The following RGS7 variants were observed in gnomAD, a reference collection of about 807,000 sequenced individuals.
RGS7 encodes regulator of G-protein signaling 7.
In RGS7, 27 loss-of-function variants were observed where a neutral mutation model predicts 81.1. The observed-to-expected ratio is 0.33, with a 90% CI of 0.25 to 0.46. The LOEUF is 0.46. Ranked by LOEUF, RGS7 falls within the 20% of genes least tolerant of loss-of-function variation. RGS7 has a pLI of 1.00. For synonymous variants in RGS7, 208 were observed against 207.7 expected (o/e 1.00, Z -0.01); for missense variants, 396 against 607.4 (o/e 0.65, Z 3.66).
chr1:241,001,045 C>A (rs1216789669), intron 3 of RGS7, among the ~76,000 whole-genome samples: 1 of 151,978 alleles, frequency 6.6e-6, no homozygotes, highest in Non-Finnish European at 1.5e-5. Context: ...GATATAGAAC[C>A]CTTACATCAT....
At chr1:241,343,785 C>A (rs2082715710) in intron 2 of RGS7, among the ~76,000 whole-genome samples, 1 of 151,532 alleles carries the variant, frequency 6.6e-6, no homozygotes, top group South Asian at 2.1e-4. Context: ...AATGGTCGCA[C>A]AACAATGTGA....
rs368484205 is a variant in RGS7, at chr1:240,936,715, T to C, written c.227-9A>G. On this transcript the variant is annotated splice_polypyrimidine_tract_variant and intron_variant, in intron 4 of 18. Transcript: ENST00000440928. ...CAAATGGAGCGCCTCCACTGTTTTA[T>C]GAAAACAAACAAAGAACATAAAAAA... 813 of 1,600,372 alleles carry C rather than the reference T, an allele frequency of 5.1e-4. 1 individual carries two copies. The highest frequency in any genetic ancestry group is 6.4e-4 in the Non-Finnish European group (752 of 1,167,602).
intron 3 of RGS7, among the ~76,000 whole-genome samples, chr1:241,026,252 G>A (rs904063171): frequency 1.3e-5 from 2 of 152,126 alleles, no homozygotes; most frequent in Admixed American, 1.3e-4. Context: ...ATAAATGTAA[G>A]GTATTTTCTA....
At chr1:241,316,424 C>A (rs976622092) in intron 2 of RGS7, among the ~76,000 whole-genome samples, 4 of 152,162 alleles carry the variant, frequency 2.6e-5, no homozygotes, top group Admixed American at 1.3e-4. Flanking sequence ...GTGACCAGTC[C>A]CCACATCCTG....
intron 3 of RGS7, among the ~76,000 whole-genome samples, chr1:241,068,852 T>C (rs2062252998): frequency 6.6e-6 from 1 of 152,138 alleles, no homozygotes; most frequent in Non-Finnish European, 1.5e-5. Context: ...GACCGGATCA[T>C]GAGGGTGGAT....
chr1:240,930,767 G>T lies in RGS7; in HGVS notation c.335C>A (p.Thr112Asn), dbSNP rs772399469. The T allele has an allele frequency of 6.2e-7, 1 of 1,613,862 alleles. No individual in the cohort carries two copies. Among genetic ancestry groups the T allele is most frequent in the African/African-American group, 1.3e-5 (1 of 75,026 alleles). The stretch of plus-strand genomic sequence containing the variant: ...ACAATTTGATGGCCAAAAATAGGGG[G>T]TCTGCGGAATGAAAAGAAGTGGAAC... ...KDDGTFYRFQ[T>N]PYFWPSNCWE... The change falls in exon 6 of 19, where the codon ACC (threonine) becomes AAC (asparagine). Residue 112 changes from threonine to asparagine, a missense_variant and splice_region_variant. Physicochemically the swap from Thr to Asn is moderately conservative, Grantham distance 65. Coordinates refer to ENST00000440928, the MANE Select transcript of RGS7 (RefSeq NM_001364886.1).
At chr1:241,232,858 A>C (rs1179815669) in intron 2 of RGS7, among the ~76,000 whole-genome samples, 2 of 152,050 alleles carry the variant, frequency 1.3e-5, no homozygotes, top group African/African-American at 4.8e-5. Flanking sequence ...TACTTCTTGC[A>C]CTTCTTTTCT....
intron 2 of RGS7, among the ~76,000 whole-genome samples, chr1:241,337,230 A>G (rs535223171): frequency 1.3e-5 from 2 of 152,136 alleles, no homozygotes; most frequent in South Asian, 2.1e-4. Context: ...ACCATTCTGT[A>G]CTCCATTGTT....
intron 2 of RGS7, among the ~76,000 whole-genome samples, chr1:241,173,548 A>T (rs2070885262): frequency 6.6e-6 from 1 of 152,040 alleles, no homozygotes; most frequent in Non-Finnish European, 1.5e-5. Flanking sequence ...ATTTTGGGAG[A>T]TCAAGGCAGG....
chr1:241,209,980 A>G (rs537673947), intron 2 of RGS7, among the ~76,000 whole-genome samples: 32 of 152,280 alleles, frequency 2.1e-4, no homozygotes, highest in South Asian at 1.5e-3. Flanking sequence ...AAATGAATCA[A>G]TAATGTAATG....
At chr1:241,269,492 C>A (rs777298779) in intron 2 of RGS7, among the ~76,000 whole-genome samples, 8 of 152,212 alleles carry the variant, frequency 5.3e-5, no homozygotes, top group Non-Finnish European at 1.0e-4. Context: ...AGCAGTAATA[C>A]AATCATCACA....
chr1:241,341,789 T>C (rs1268992740), intron 2 of RGS7, among the ~76,000 whole-genome samples: 2 of 151,544 alleles, frequency 1.3e-5, no homozygotes, highest in Non-Finnish European at 2.9e-5. Flanking sequence ...AGAGGTTTAG[T>C]AACTTGACCA....
chr1:241,257,002 A>G (rs777859798), intron 2 of RGS7, among the ~76,000 whole-genome samples: 1 of 151,472 alleles, frequency 6.6e-6, no homozygotes, highest in Non-Finnish European at 1.5e-5. Context: ...ATATATGTGT[A>G]TATATGTGTG....
chr1:241,342,424 T>C (rs1428114338), intron 2 of RGS7, among the ~76,000 whole-genome samples: 3 of 152,162 alleles, frequency 2.0e-5, no homozygotes, highest in Admixed American at 2.0e-4. Flanking sequence ...TAAGGTCAAA[T>C]GGTGCTACAA....
rs145917651 is a variant in RGS7 at position 241,002,218 on chromosome 1, G to T, written c.176-19089C>A. ...TCCCAGCACTTTGGGAGGCCGAGGC[G>T]GGTGGATCACCTGAGGTCAGGAGTT... On this transcript the variant is annotated intron_variant, in intron 3 of 18. Transcript: ENST00000440928. 9.7e-3 allele frequency among the ~76,000 whole-genome samples: 1,473 copies of T among 151,926 alleles called. 43 individuals carry two copies. The highest frequency in any genetic ancestry group is 0.048 in the Admixed American group (727 of 15,266).
chr1:240,939,577 A>G (rs1217949097), intron 4 of RGS7, among the ~76,000 whole-genome samples: 2 of 152,200 alleles, frequency 1.3e-5, no homozygotes, highest in East Asian at 3.8e-4. Flanking sequence ...GGACGAGTGA[A>G]GAATATGCCA....
At chr1:241,029,724 T>C (rs2059971441) in intron 3 of RGS7, among the ~76,000 whole-genome samples, 1 of 152,224 alleles carries the variant, frequency 6.6e-6, no homozygotes, top group African/African-American at 2.4e-5. Context: ...ATACTCTTAC[T>C]GACAGCTTGT....
chr1:240,920,158 T>C, intron 6 of RGS7: 1 of 977,912 alleles, frequency 1.0e-6, no homozygotes. Context: ...TACCACACTG[T>C]GAATGGCCAC....
At chr1:241,037,924 C>CT (rs1214919760) in intron 3 of RGS7, among the ~76,000 whole-genome samples, 1 of 151,988 alleles carries the variant, frequency 6.6e-6, no homozygotes, top group Non-Finnish European at 1.5e-5. Flanking sequence ...TATGAGCACA[C>CT]AAAAGCATAA....
Sources: gnomAD v4.1 joint callset for allele counts (sites outside exome capture counted in the v4.1 genomes callset) on GRCh38, gnomAD v4.1.1 for gene constraint, MANE v1.5 for transcripts, NCBI Gene and HGNC (gene_info 2026-07-23, HGNC 2026-07-21) for gene names.